PSD3: variants seen among roughly 807,000 people sequenced by gnomAD.
PSD3 encodes pleckstrin and Sec7 domain containing 3, also known as PH and SEC7 domain-containing protein 3.
Under a neutral mutation model 105.5 loss-of-function variants are expected in PSD3, and 49 were observed. The ratio of observed to expected loss-of-function variants is 0.46; its 90% CI spans 0.37 to 0.59. PSD3 has a LOEUF of 0.59. Ranked by LOEUF, PSD3 falls within the 20% of genes least tolerant of loss-of-function variation. PSD3 has a pLI of 0.00. For missense variants in PSD3, 1,561 were observed against 1,263.8 expected (o/e 1.24, Z -3.57); for synonymous variants, 557 against 457.8 (o/e 1.22, Z -2.77).
At chr8:18,724,025 T>C (rs796849776) in intron 9 of PSD3, among the ~76,000 whole-genome samples, 4 of 152,316 alleles carry the variant, frequency 2.6e-5, no homozygotes, top group African/African-American at 7.2e-5. Context: ...TAAACTTACA[T>C]GTCTACAGTT....
chr8:19,066,691 C>T (rs533874299), intron 1 of PSD3, among the ~76,000 whole-genome samples: 3 of 152,204 alleles, frequency 2.0e-5, no homozygotes, highest in African/African-American at 7.2e-5. Flanking sequence ...GCCTTGATTT[C>T]TTTTGTCTAT....
At chr8:18,751,000 G>T (rs1053914806) in intron 9 of PSD3, among the ~76,000 whole-genome samples, 1 of 152,148 alleles carries the variant, frequency 6.6e-6, no homozygotes, top group Non-Finnish European at 1.5e-5. Context: ...CCCGCACCGG[G>T]GCTGCAGGTG....
intron 10 of PSD3, among the ~76,000 whole-genome samples, chr8:18,647,020 C>G (rs1316768138): frequency 6.6e-6 from 1 of 152,114 alleles, no homozygotes; most frequent in Non-Finnish European, 1.5e-5. Flanking sequence ...TCTATCATCC[C>G]CCAAGAATAC....
chr8:18,981,543 C>G (rs929296893), intron 1 of PSD3, among the ~76,000 whole-genome samples: 1 of 152,194 alleles, frequency 6.6e-6, no homozygotes, highest in African/African-American at 2.4e-5. Context: ...ATTTAGAAGA[C>G]TTCCTGTTAA....
intron 9 of PSD3, among the ~76,000 whole-genome samples, chr8:18,710,749 T>C (rs555462698): frequency 6.6e-6 from 1 of 152,140 alleles, no homozygotes; most frequent in Non-Finnish European, 1.5e-5. Flanking sequence ...TGGCGTGATT[T>C]AGGCTCACTG....
chr8:18,836,155 G>A (rs1208144587), intron 4 of PSD3, among the ~76,000 whole-genome samples: 2 of 152,174 alleles, frequency 1.3e-5, no homozygotes, highest in African/African-American at 4.8e-5. Context: ...TGCCAAAAAG[G>A]TGCTGGAGAC....
intron 11 of PSD3, among the ~76,000 whole-genome samples, chr8:18,628,131 G>T (rs1806625998): frequency 6.6e-6 from 1 of 151,790 alleles, no homozygotes; most frequent in African/African-American, 2.4e-5. Flanking sequence ...GAAACCCTTG[G>T]GATAGCACTG....
intron 12 of PSD3, among the ~76,000 whole-genome samples, chr8:18,587,083 T>A (rs190694057): frequency 6.6e-6 from 1 of 152,276 alleles, no homozygotes; most frequent in East Asian, 1.9e-4. Context: ...AGTGGGGGAT[T>A]GGCTGAAGAA....
At chr8:19,065,999 A>G (rs558047271) in intron 1 of PSD3, among the ~76,000 whole-genome samples, 11 of 152,340 alleles carry the variant, frequency 7.2e-5, no homozygotes, top group African/African-American at 2.6e-4. Context: ...TAAGAGTTCT[A>G]TGCTGGGAAA....
At chr8:18,674,919 T>A (rs1238415944) in intron 9 of PSD3, among the ~76,000 whole-genome samples, 1 of 152,050 alleles carries the variant, frequency 6.6e-6, no homozygotes. Flanking sequence ...GAGGATTATA[T>A]GAGGCCAGGA....
Position 18,906,552 on chromosome 8 carries a change from G to A in PSD3, c.130+29482C>T, listed in dbSNP as rs184250852. Among the ~76,000 whole-genome samples, 50 of 152,282 alleles carry A rather than the reference G, an allele frequency of 3.3e-4. No homozygotes were observed. In the East Asian group the frequency reaches 9.1e-3, roughly 28 times the overall value. ...TCTGATGGCCTGGTGATCCTGCCATGTATATGAGGGGCACAAACACAGGTT... is the reference window on the plus strand; with the variant it reads ...TCTGATGGCCTGGTGATCCTGCCATATATATGAGGGGCACAAACACAGGTT... On this transcript the variant is annotated intron_variant, in intron 2 of 15. Transcript: ENST00000327040.
At chr8:18,891,464 T>C (rs1818777728) in intron 2 of PSD3, among the ~76,000 whole-genome samples, 2 of 152,196 alleles carry the variant, frequency 1.3e-5, no homozygotes, top group African/African-American at 4.8e-5. Context: ...AGTTCTAAGT[T>C]ATTTGAGATA....
chr8:18,955,353 T>A (rs571036177), intron 1 of PSD3, among the ~76,000 whole-genome samples: 1 of 152,224 alleles, frequency 6.6e-6, no homozygotes, highest in African/African-American at 2.4e-5. Context: ...GGATCCTCCC[T>A]CCTCAGCCTC....
chr8:18,548,583 T>C (rs953504245), intron 15 of PSD3, among the ~76,000 whole-genome samples: 1 of 152,190 alleles, frequency 6.6e-6, no homozygotes, highest in African/African-American at 2.4e-5. Context: ...CGTGTTCTCT[T>C]GATCCTGCAA....
intron 10 of PSD3, among the ~76,000 whole-genome samples, chr8:18,655,436 C>A (rs1047580264): frequency 2.0e-5 from 3 of 152,008 alleles, no homozygotes; most frequent in Non-Finnish European, 4.4e-5. Flanking sequence ...ACAGGATACT[C>A]TGGGTTTACT....
intron 10 of PSD3, among the ~76,000 whole-genome samples, chr8:18,641,748 G>C (rs1262305229): frequency 3.9e-5 from 6 of 152,234 alleles, no homozygotes; most frequent in African/African-American, 1.4e-4. Context: ...CACTAAGGTG[G>C]CTCACATCTC....
At chr8:18,880,770 C>T (rs959599100) in intron 2 of PSD3, among the ~76,000 whole-genome samples, 2 of 152,184 alleles carry the variant, frequency 1.3e-5, no homozygotes, top group Non-Finnish European at 2.9e-5. Context: ...TCCCCTCCAG[C>T]GAGCCTTCCT....
intron 9 of PSD3, among the ~76,000 whole-genome samples, chr8:18,672,490 A>G (rs1207914741): frequency 2.0e-5 from 3 of 152,250 alleles, no homozygotes; most frequent in African/African-American, 4.8e-5. Context: ...CAATACAAAC[A>G]AATTAAATAA....
At chr8:18,855,411 G>T (rs945177383) in intron 4 of PSD3, among the ~76,000 whole-genome samples, 1 of 152,030 alleles carries the variant, frequency 6.6e-6, no homozygotes, top group African/African-American at 2.4e-5. Flanking sequence ...CAGTCAAAAT[G>T]CCCATAAATA....
Sources: allele counts gnomAD v4.1 joint callset (sites outside exome capture counted in the v4.1 genomes callset), GRCh38; gene constraint gnomAD v4.1.1; transcripts MANE v1.5; gene names NCBI Gene and HGNC (gene_info 2026-07-23, HGNC 2026-07-21).